The following DLGAP1 variants were observed in gnomAD, a reference collection of about 807,000 sequenced individuals.
DLGAP1 encodes disks large-associated protein 1.
A neutral mutation model predicts 90.8 loss-of-function variants in DLGAP1; 11 were observed. The observed-to-expected ratio is 0.12, with a 90% CI of 0.08 to 0.20. The LOEUF (loss-of-function observed/expected upper bound fraction) is 0.20. DLGAP1 is among the 10% of genes least tolerant of loss of function. DLGAP1 has a pLI of 1.00. For synonymous variants in DLGAP1, 558 were observed against 540.7 expected, an observed-to-expected ratio of 1.03 and a Z score of -0.44; for missense variants, 1,050 against 1,333.8, an observed-to-expected ratio of 0.79 and a Z score of 3.31.
chr18:3,594,820 C>G (rs113129199), intron 7 of DLGAP1, among the ~76,000 whole-genome samples: 13 of 152,288 alleles, frequency 8.5e-5, no homozygotes, highest in African/African-American at 3.1e-4. Context: ...AAACAGGATT[C>G]CTGCAGGGTG....
chr18:4,181,393 G>A (rs1280990217), intron 1 of DLGAP1, among the ~76,000 whole-genome samples: 2 of 152,102 alleles, frequency 1.3e-5, no homozygotes, highest in African/African-American at 4.8e-5. Context: ...CTAACAAACC[G>A]AATCCAACTG....
At position 3,930,820 on chromosome 18, in the gene DLGAP1, A is replaced by G. The variant is rs2072499593; in HGVS notation, c.-72-50680T>C. Among the ~76,000 whole-genome samples, 3 of 152,072 alleles carry G rather than the reference A, an allele frequency of 2.0e-5. No homozygotes were observed. The South Asian group carries it at 6.2e-4, about 32-fold the overall frequency. ...CTCTTGAAAACTGCACAGGATTATG[A>G]TTGAGGAAAAACAGCAACGACCCAC... On this transcript the variant is annotated intron_variant, in intron 3 of 12. Transcript: ENST00000315677.
chr18:4,182,353 G>A (rs1419684730), intron 1 of DLGAP1, among the ~76,000 whole-genome samples: 4 of 152,112 alleles, frequency 2.6e-5, no homozygotes, highest in Non-Finnish European at 4.4e-5. Flanking sequence ...GTTAACCACT[G>A]AAGAGAGTTT....
At chr18:4,252,181 G>A (rs75933106) in intron 1 of DLGAP1, among the ~76,000 whole-genome samples, 1,986 of 152,256 alleles carry the variant, frequency 0.013, 56 homozygotes, top group African/African-American at 0.046. Flanking sequence ...GGGAGGCTTC[G>A]GTCTGCAAAT....
chr18:3,940,984 T>C (rs1199960568), intron 3 of DLGAP1, among the ~76,000 whole-genome samples: 1 of 152,222 alleles, frequency 6.6e-6, no homozygotes, highest in Non-Finnish European at 1.5e-5. Flanking sequence ...AAAGATCCTG[T>C]TGGTCTATTG....
intron 1 of DLGAP1, among the ~76,000 whole-genome samples, chr18:4,274,804 T>A (rs1291231573): frequency 6.6e-6 from 1 of 152,196 alleles, no homozygotes. Context: ...ATGAACACAC[T>A]AAACCATTTA....
intron 3 of DLGAP1, among the ~76,000 whole-genome samples, chr18:3,891,563 A>G (rs905435787): frequency 2.2e-4 from 34 of 152,266 alleles, no homozygotes; most frequent in African/African-American, 7.7e-4. Context: ...GGGAAAACAA[A>G]GTAGTAACCA....
At chr18:3,880,836 G>T (rs1350072479) in intron 3 of DLGAP1, among the ~76,000 whole-genome samples, 3 of 150,782 alleles carry the variant, frequency 2.0e-5, no homozygotes, top group Non-Finnish European at 4.4e-5. Context: ...CCAGCTATTC[G>T]GGAGGCTGAG....
chr18:3,793,111 A>G (rs1229907735), intron 5 of DLGAP1, among the ~76,000 whole-genome samples: 1 of 152,194 alleles, frequency 6.6e-6, no homozygotes, highest in Non-Finnish European at 1.5e-5. Context: ...GGAGACCAGG[A>G]GGAATTAGCA....
intron 2 of DLGAP1, among the ~76,000 whole-genome samples, chr18:4,007,447 GA>G (rs1294473772): frequency 6.6e-6 from 1 of 152,150 alleles, no homozygotes; most frequent in Non-Finnish European, 1.5e-5. Flanking sequence ...CTGAGGTCAG[GA>G]GTTCAAGACC....
At chr18:3,847,796 T>G (rs2069099443) in intron 4 of DLGAP1, among the ~76,000 whole-genome samples, 1 of 152,006 alleles carries the variant, frequency 6.6e-6, no homozygotes, top group African/African-American at 2.4e-5. Flanking sequence ...AAGTGATAAG[T>G]GCCTACACAA....
intron 1 of DLGAP1, among the ~76,000 whole-genome samples, chr18:4,310,587 T>C (rs575876610): frequency 1.3e-5 from 2 of 152,318 alleles, no homozygotes; most frequent in South Asian, 2.1e-4. Flanking sequence ...CTGTGCTTTA[T>C]CATAGTGTAC....
At chr18:4,331,552 T>C (rs572912895) in intron 1 of DLGAP1, among the ~76,000 whole-genome samples, 1 of 151,868 alleles carries the variant, frequency 6.6e-6, no homozygotes, top group East Asian at 1.9e-4. Flanking sequence ...AGGATGATCT[T>C]AAATACATGG....
chr18:4,360,858 T>C (rs1268088793), intron 1 of DLGAP1, among the ~76,000 whole-genome samples: 2 of 152,016 alleles, frequency 1.3e-5, no homozygotes, highest in Non-Finnish European at 2.9e-5. Flanking sequence ...CGGGCACCTG[T>C]AATCTCAGCT....
chr18:3,942,473 T>C (rs996228241), intron 3 of DLGAP1, among the ~76,000 whole-genome samples: 1 of 152,194 alleles, frequency 6.6e-6, no homozygotes, highest in Non-Finnish European at 1.5e-5. Context: ...ACAGAGGAGA[T>C]GATCTTGGGA....
intron 7 of DLGAP1, among the ~76,000 whole-genome samples, chr18:3,604,568 T>C (rs1011018243): frequency 1.8e-4 from 28 of 152,306 alleles, no homozygotes; most frequent in African/African-American, 6.3e-4. Flanking sequence ...GATCCCTTTA[T>C]CTGCCCCGAG....
At chr18:3,976,810 C>T (rs941099543) in intron 3 of DLGAP1, among the ~76,000 whole-genome samples, 61 of 152,144 alleles carry the variant, frequency 4.0e-4, no homozygotes, top group African/African-American at 1.4e-3. Flanking sequence ...TAAATTATAA[C>T]GTTATCAGCA....
At chr18:4,019,786 A>G (rs1182370544) in intron 2 of DLGAP1, among the ~76,000 whole-genome samples, 1 of 151,958 alleles carries the variant, frequency 6.6e-6, no homozygotes, top group African/African-American at 2.4e-5. Flanking sequence ...AATCTAGGAA[A>G]CGAGACACAT....
At chr18:3,768,438 T>C (rs1366797157) in intron 5 of DLGAP1, among the ~76,000 whole-genome samples, 1 of 152,122 alleles carries the variant, frequency 6.6e-6, no homozygotes, top group South Asian at 2.1e-4. Flanking sequence ...TTTGTAGATA[T>C]AGACAAGATT....
Sources: gnomAD v4.1 joint callset for allele counts (sites outside exome capture counted in the v4.1 genomes callset) on GRCh38, gnomAD v4.1.1 for gene constraint, MANE v1.5 for transcripts, NCBI Gene and HGNC (gene_info 2026-07-23, HGNC 2026-07-21) for gene names.